The following C9orf85 variants were observed in gnomAD, a reference collection of about 807,000 sequenced individuals.
C9orf85 encodes the protein chromosome 9 open reading frame 85, also known as uncharacterized protein C9orf85.
In C9orf85, 16 loss-of-function variants were observed where a neutral mutation model predicts 14.9. That is an observed-to-expected ratio of 1.08 (90% CI 0.73 to 1.63). The LOEUF (loss-of-function observed/expected upper bound fraction) is 1.63. Among genes scored for constraint, C9orf85 ranks in the 40% most tolerant of loss-of-function variants. C9orf85 has a pLI of 0.00. For missense variants in C9orf85, 172 were observed against 186.1 expected, an observed-to-expected ratio of 0.92 and a Z score of 0.44; for synonymous variants, 45 against 56.8, an observed-to-expected ratio of 0.79 and a Z score of 0.93.
intron 3 of C9orf85, among the ~76,000 whole-genome samples, chr9:71,971,975 C>CAAAAAA (rs1280978130): frequency 1.1e-4 from 6 of 53,240 alleles, no homozygotes; most frequent in South Asian, 6.6e-4. Flanking sequence ...GACTCCATCT[C>CAAAAAA]AAAAAAAAAA....
At chr9:71,939,832 A>G (rs1828286887) in intron 1 of C9orf85, among the ~76,000 whole-genome samples, 1 of 152,200 alleles carries the variant, frequency 6.6e-6, no homozygotes. Context: ...TGAGAAAGGT[A>G]CAAAGGCATT....
intron 1 of C9orf85, among the ~76,000 whole-genome samples, chr9:71,940,359 G>A (rs1234774626): frequency 1.3e-5 from 2 of 152,242 alleles, no homozygotes; most frequent in African/African-American, 4.8e-5. Context: ...ACTTGAGCCC[G>A]GGAATTTAAG....
At chr9:71,956,242 G>GTTTTTTTTTTTTTTTTTTTTTTTTTT (rs60432625) in intron 2 of C9orf85, among the ~76,000 whole-genome samples, 1 of 51,012 alleles carries the variant, frequency 2.0e-5, no homozygotes, top group Non-Finnish European at 3.7e-5. Context: ...GAATGCAAAA[G>GTTTTTTTTTTTTTTTTTTTTTTTTTT]TTTTTTTTTT....
At chr9:71,980,502 A>G (rs1823080721) in intron 3 of C9orf85, among the ~76,000 whole-genome samples, 1 of 152,258 alleles carries the variant, frequency 6.6e-6, no homozygotes, top group Middle Eastern at 3.4e-3. Context: ...TTAGCAGAGG[A>G]TATTACAACA....
rs1362735331 is a variant in C9orf85, at chr9:71,958,570, A to G, written c.209+11458A>G. Among the ~76,000 whole-genome samples, 6 of 152,168 alleles carry G rather than the reference A, an allele frequency of 3.9e-5. No individual in the cohort carries two copies. The South Asian group carries it at 8.3e-4, about 21-fold the overall frequency. Reference sequence around the variant, plus strand: ...AGCTACCGCGCCCGGCCAGTAATTAAAATATTTTACCCTGAAAATATATTT... The same window carrying G: ...AGCTACCGCGCCCGGCCAGTAATTAGAATATTTTACCCTGAAAATATATTT... On this transcript the variant is annotated intron_variant, in intron 2 of 3. Transcript: ENST00000334731.
At chr9:71,933,298 C>A (rs1263759546) in intron 1 of C9orf85, among the ~76,000 whole-genome samples, 1 of 152,064 alleles carries the variant, frequency 6.6e-6, no homozygotes, top group Non-Finnish European at 1.5e-5. Flanking sequence ...ATTTAGAGAC[C>A]CACATTGAGA....
At chr9:71,963,834 C>T (rs1822602076) in intron 2 of C9orf85, among the ~76,000 whole-genome samples, 1 of 152,198 alleles carries the variant, frequency 6.6e-6, no homozygotes, top group Non-Finnish European at 1.5e-5. Flanking sequence ...CCTCCCTGGA[C>T]TCCTGTGCAA....
At chr9:71,934,746 T>C (rs892927032) in intron 1 of C9orf85, among the ~76,000 whole-genome samples, 1 of 152,026 alleles carries the variant, frequency 6.6e-6, no homozygotes, top group East Asian at 1.9e-4. Flanking sequence ...GCCTTGTGCC[T>C]GTAGTCCCAG....
chr9:71,924,094 C>T (rs1827876966), intron 1 of C9orf85, among the ~76,000 whole-genome samples: 1 of 152,152 alleles, frequency 6.6e-6, no homozygotes, highest in Non-Finnish European at 1.5e-5. Context: ...TTCAGATAAT[C>T]CTTCTTTGGG....
chr9:71,926,051 G>T (rs1827923627), intron 1 of C9orf85, among the ~76,000 whole-genome samples: 1 of 152,226 alleles, frequency 6.6e-6, no homozygotes, highest in African/African-American at 2.4e-5. Flanking sequence ...GTGCTTAGAA[G>T]CAAAATGCTT....
intron 2 of C9orf85, among the ~76,000 whole-genome samples, chr9:71,957,268 T>G (rs539789955): frequency 6.2e-4 from 95 of 152,292 alleles, no homozygotes; most frequent in African/African-American, 2.1e-3. Flanking sequence ...TAAGTGGAAA[T>G]AGAAGATGAA....
chr9:71,952,516 C>T (rs1384229591), intron 2 of C9orf85, among the ~76,000 whole-genome samples: 1 of 152,162 alleles, frequency 6.6e-6, no homozygotes, highest in Non-Finnish European at 1.5e-5. Flanking sequence ...AGACGCCCAC[C>T]ACCACACCCG....
At chr9:71,943,455 G>T (rs1289233166) in intron 1 of C9orf85, among the ~76,000 whole-genome samples, 1 of 152,060 alleles carries the variant, frequency 6.6e-6, no homozygotes, top group Non-Finnish European at 1.5e-5. Context: ...TTCAGCATCA[G>T]CATGTTGATA....
At chr9:71,977,962 C>T (rs751249431), downstream of C9orf85, among the ~76,000 whole-genome samples, 1 of 152,122 alleles carries the variant, frequency 6.6e-6, no homozygotes, top group Non-Finnish European at 1.5e-5. Flanking sequence ...AATGTGGTTG[C>T]ACCTTTAAAC....
intron 1 of C9orf85, among the ~76,000 whole-genome samples, chr9:71,941,353 T>C (rs1821925266): frequency 6.6e-6 from 1 of 152,192 alleles, no homozygotes. Flanking sequence ...AAGCAAGTTA[T>C]CAAATTCAGC....
chr9:71,957,856 G>A (rs1273886565), intron 2 of C9orf85, among the ~76,000 whole-genome samples: 1 of 152,126 alleles, frequency 6.6e-6, no homozygotes, highest in African/African-American at 2.4e-5. Flanking sequence ...GATTAGGAAT[G>A]GCATTGCAGA....
At chr9:71,956,209 A>ATCACAATT (rs1236385148) in intron 2 of C9orf85, among the ~76,000 whole-genome samples, 1 of 147,946 alleles carries the variant, frequency 6.8e-6, no homozygotes, top group Non-Finnish European at 1.5e-5. Context: ...AGCATTGGGT[A>ATCACAATT]TCACAATTGG....
chr9:71,971,578 G>C lies in C9orf85; in HGVS notation c.283G>C (p.Val95Leu). 1 of 1,613,142 alleles carries C rather than the reference G, an allele frequency of 6.2e-7. No homozygotes were observed. The highest frequency in any genetic ancestry group is 8.5e-7 in the Non-Finnish European group (1 of 1,179,456). The change falls in exon 3 of 4, where the codon GTT (valine) becomes CTT (leucine). Residue 95 changes from valine (V) to leucine (L), a missense_variant. Val to Leu is a conservative substitution (Grantham distance 32, BLOSUM62 1). Transcript: ENST00000334731. The stretch of plus-strand genomic sequence containing the variant: ...CAGGCCATGTGCCTGTGAACTTGAA[G>C]TTTGCGCAAAATGTGGAAAGAAAGA... ...MCRPCACELE[V>L]CAKCGKKEDI...
At chr9:71,938,813 A>G (rs1828257408) in intron 1 of C9orf85, among the ~76,000 whole-genome samples, 1 of 151,722 alleles carries the variant, frequency 6.6e-6, no homozygotes, top group African/African-American at 2.4e-5. Flanking sequence ...TATATTTAAA[A>G]TATATATATT....
Sources: gnomAD v4.1 joint callset for allele counts (sites outside exome capture counted in the v4.1 genomes callset) on GRCh38, gnomAD v4.1.1 for gene constraint, MANE v1.5 for transcripts, NCBI Gene and HGNC (gene_info 2026-07-23, HGNC 2026-07-21) for gene names.